PTPRN2: variants seen among roughly 807,000 people sequenced by gnomAD.
The protein encoded by PTPRN2 is protein tyrosine phosphatase receptor type N2.
PTPRN2 carries 74 observed loss-of-function variants against 118.8 expected under a neutral mutation model. The observed-to-expected ratio is 0.62, with a 90% confidence interval of 0.52 to 0.76. The LOEUF is 0.76. Ranked by LOEUF, PTPRN2 falls within the 30% of genes least tolerant of loss-of-function variation. PTPRN2 has a pLI of 0.00. For missense variants in PTPRN2, 1,481 were observed against 1,394.4 expected (o/e 1.06, Z -0.99); for synonymous variants, 641 against 608.0 (o/e 1.05, Z -0.80).
chr7:157,571,072 C>T (rs558036498), intron 20 of PTPRN2, among the ~76,000 whole-genome samples: 27 of 152,126 alleles, frequency 1.8e-4, no homozygotes, highest in Admixed American at 3.3e-4. Context: ...GGTGAAACCT[C>T]GTCTCTACTA....
chr7:157,976,636 C>T (rs1472497178), intron 11 of PTPRN2, among the ~76,000 whole-genome samples: 3 of 151,812 alleles, frequency 2.0e-5, no homozygotes, highest in African/African-American at 7.2e-5. Context: ...GCAAACTGGT[C>T]CATCCCTCTC....
intron 17 of PTPRN2, among the ~76,000 whole-genome samples, chr7:157,593,315 G>C (rs768373260): frequency 6.6e-6 from 1 of 152,080 alleles, no homozygotes; most frequent in Non-Finnish European, 1.5e-5. Flanking sequence ...CTGCTGAACA[G>C]AGGGTGGATG....
At chr7:157,805,489 AT>A (rs1805574993) in intron 12 of PTPRN2, among the ~76,000 whole-genome samples, 1 of 152,214 alleles carries the variant, frequency 6.6e-6, no homozygotes, top group African/African-American at 2.4e-5. Context: ...GAAGACATAA[AT>A]TTTTAAAACA....
intron 12 of PTPRN2, among the ~76,000 whole-genome samples, chr7:157,866,819 T>C (rs186741243): frequency 0.049 from 1,147 of 23,450 alleles, 55 homozygotes; most frequent in Middle Eastern, 0.17. Context: ...CCTGGATACA[T>C]GGCCACCACC....
intron 3 of PTPRN2, among the ~76,000 whole-genome samples, chr7:158,309,546 C>G (rs77357319): frequency 2.0e-5 from 3 of 151,976 alleles, no homozygotes; most frequent in African/African-American, 7.3e-5. Context: ...TCTAGAGAAC[C>G]CTGACTAATG....
Position 157,918,603 on chromosome 7 carries a change from G to A in PTPRN2, c.1724-19866C>T, listed in dbSNP as rs150088138. 3.6e-3 allele frequency among the ~76,000 whole-genome samples: 554 copies of A among 152,256 alleles called. 3 individuals carry two copies. Among genetic ancestry groups the A allele is most frequent in the African/African-American group, 0.013 (531 of 41,550 alleles). On this transcript the variant is annotated intron_variant, in intron 11 of 22. Transcript: ENST00000389418. ...AGAAAGATTACAAACTGACGCGGCC[G>A]GGAAAATCTATCAGACATACGAATG...
chr7:158,460,757 C>G (rs1272235407), intron 2 of PTPRN2, among the ~76,000 whole-genome samples: 1 of 152,266 alleles, frequency 6.6e-6, no homozygotes, highest in African/African-American at 2.4e-5. Context: ...AGCTCCCTTC[C>G]TCAACCATCG....
At chr7:158,280,336 C>G (rs1359250174) in intron 3 of PTPRN2, among the ~76,000 whole-genome samples, 2 of 152,200 alleles carry the variant, frequency 1.3e-5, no homozygotes, top group African/African-American at 4.8e-5. Flanking sequence ...CTAGGGGAGG[C>G]CGGCAGAGCC....
intron 15 of PTPRN2, chr7:157,614,143 A>AGGGGAGGAAG (rs771110004): frequency 2.6e-6 from 1 of 390,956 alleles, no homozygotes; most frequent in African/African-American, 2.4e-5. Flanking sequence ...GGGGGAAGAC[A>AGGGGAGGAAG]GGGGAGGAAG....
At chr7:157,682,663 C>T in intron 13 of PTPRN2, 62 bp downstream of exon 13, 1 of 1,487,570 alleles carries the variant, frequency 6.7e-7, no homozygotes, top group Non-Finnish European at 9.3e-7. Context: ...GAGAGGAACG[C>T]CATCATCTGC....
chr7:158,090,062 C>T (rs184668989), intron 10 of PTPRN2, among the ~76,000 whole-genome samples: 2 of 32,554 alleles, frequency 6.1e-5, no homozygotes, highest in African/African-American at 1.3e-4. Context: ...TTCACACAAA[C>T]CCTTCCTCCC....
chr7:157,853,472 C>T (rs768730138), intron 12 of PTPRN2, among the ~76,000 whole-genome samples: 47 of 152,112 alleles, frequency 3.1e-4, no homozygotes, highest in Admixed American at 1.2e-3. Context: ...CTCCCTTTGC[C>T]GTCTTCTTTG....
chr7:157,890,731 C>T (rs1202481438), intron 12 of PTPRN2, among the ~76,000 whole-genome samples: 1 of 152,246 alleles, frequency 6.6e-6, no homozygotes, highest in Admixed American at 6.5e-5. Flanking sequence ...TCTGACATTT[C>T]ACCTGCCCCC....
chr7:158,276,527 C>T lies in PTPRN2; in HGVS notation c.277+40292G>A, dbSNP rs537740633. On this transcript the variant is annotated intron_variant, in intron 3 of 22. Transcript: ENST00000389418. ...AGGCAGCACCCCCACACCCCGGCCC[C>T]GACAGGCTGTAAGGCAGCACCCCCA... Among the ~76,000 whole-genome samples the T allele has an allele frequency of 1.3e-4, 19 of 150,326 alleles. 1 individual carries two copies. In the South Asian group the frequency reaches 2.3e-3, roughly 18 times the overall value.
At chr7:158,043,691 T>C (rs1480816270) in intron 11 of PTPRN2, among the ~76,000 whole-genome samples, 1 of 152,216 alleles carries the variant, frequency 6.6e-6, no homozygotes, top group African/African-American at 2.4e-5. Flanking sequence ...GAAATGCAGC[T>C]TGACATTTAT....
intron 11 of PTPRN2, among the ~76,000 whole-genome samples, chr7:158,070,623 T>C (rs1811232409): frequency 9.6e-6 from 1 of 103,942 alleles, no homozygotes; most frequent in African/African-American, 4.4e-5. Context: ...GTGGTGGAGG[T>C]GCCCCTGGTG....
chr7:158,321,786 T>C (rs1158845329), intron 2 of PTPRN2, among the ~76,000 whole-genome samples: 22 of 151,906 alleles, frequency 1.4e-4, no homozygotes, highest in Admixed American at 1.4e-3. Context: ...CACTCATGTG[T>C]GCAAATATAT....
At chr7:158,326,022 G>A (rs73746501) in intron 2 of PTPRN2, among the ~76,000 whole-genome samples, 3,136 of 152,272 alleles carry the variant, frequency 0.021, 105 homozygotes, top group African/African-American at 0.071. Context: ...CCAGAGCCTA[G>A]AAACAGCAAC....
chr7:158,373,232 T>C (rs761475556), intron 2 of PTPRN2, among the ~76,000 whole-genome samples: 8 of 152,230 alleles, frequency 5.3e-5, no homozygotes, highest in Admixed American at 2.0e-4. Context: ...ATTATGGAAA[T>C]AGAGTGCCAA....
Sources: allele counts gnomAD v4.1 joint callset (sites outside exome capture counted in the v4.1 genomes callset), GRCh38; gene constraint gnomAD v4.1.1; transcripts MANE v1.5; gene names NCBI Gene and HGNC (gene_info 2026-07-23, HGNC 2026-07-21).